Variants in ELP4 observed in about 807,000 individuals in gnomAD.
ELP4 encodes elongator complex protein 4.
A neutral mutation model predicts 48.9 loss-of-function variants in ELP4; 51 were observed. The observed-to-expected ratio is 1.04, with a 90% CI of 0.83 to 1.32. The LOEUF (loss-of-function observed/expected upper bound fraction) is 1.32. ELP4 is among the 40% of genes most tolerant of loss of function. The probability of loss-of-function intolerance (pLI) is 0.00; values close to 1 mark genes in which losing one functional copy is unlikely to be tolerated. For synonymous variants in ELP4, 210 were observed against 189.2 expected (o/e 1.11, Z -0.90); for missense variants, 519 against 514.6 (o/e 1.01, Z -0.08).
intron 9 of ELP4, among the ~76,000 whole-genome samples, chr11:31,688,037 A>G (rs191695801): frequency 6.6e-6 from 1 of 152,216 alleles, no homozygotes; most frequent in African/African-American, 2.4e-5. Context: ...AATGATTTTT[A>G]AATGAGGCCA....
intron 3 of ELP4, among the ~76,000 whole-genome samples, chr11:31,557,040 A>G (rs1029100165): frequency 6.6e-6 from 1 of 151,912 alleles, no homozygotes; most frequent in African/African-American, 2.4e-5. Context: ...GAAATAAACC[A>G]GAAGTCTGAG....
chr11:31,591,860 C>T (rs888815582), intron 3 of ELP4, among the ~76,000 whole-genome samples: 3 of 152,026 alleles, frequency 2.0e-5, no homozygotes, highest in Non-Finnish European at 4.4e-5. Flanking sequence ...GATCCATGTA[C>T]GTCAGGTGAT....
At chr11:31,767,410 C>T (rs903350013) in intron 9 of ELP4, 15 of 150,744 alleles carry the variant, frequency 1.0e-4, no homozygotes, top group African/African-American at 3.4e-4. Flanking sequence ...AAAATTAGCT[C>T]AAGGGTAGTT....
chr11:31,730,339 GAGC>G (rs1947160036), intron 9 of ELP4, among the ~76,000 whole-genome samples: 1 of 152,120 alleles, frequency 6.6e-6, no homozygotes, highest in Non-Finnish European at 1.5e-5. Flanking sequence ...ATGGTGGAAG[GAGC>G]AGAAGAGCAA....
In ELP4 at chr11:31,787,042, T is replaced by A. The variant is rs112863817; in HGVS notation, c.*3518T>A. On this transcript the variant is annotated 3_prime_UTR_variant, in exon 10 of 10. Coordinates refer to ENST00000640961, the MANE Select transcript of ELP4 (RefSeq NM_019040.5). ...CGTTAAATAAATAATAAACAAAAAT[T>A]ATTTCAACAATGAGTAAAAGGCCAA... 6.4e-4 allele frequency: 83 copies of A among 129,704 alleles called. No homozygotes were observed. Among genetic ancestry groups the A allele is most frequent in the African/African-American group, 3.7e-3 (76 of 20,550 alleles). The allele number at this position is 129,704 out of a possible 1,614,324, so 8.0% of individuals were successfully genotyped here. A position where few individuals can be genotyped will look rare whatever the true frequency, so the allele number is the denominator to read the frequency against.
At chr11:31,574,717 A>C (rs1464651728) in intron 3 of ELP4, among the ~76,000 whole-genome samples, 1 of 152,250 alleles carries the variant, frequency 6.6e-6, no homozygotes, top group African/African-American at 2.4e-5. Context: ...CCTGCAGCTG[A>C]GGATCCTGAC....
chr11:31,570,790 C>T (rs1241179584), intron 3 of ELP4, among the ~76,000 whole-genome samples: 1 of 86,076 alleles, frequency 1.2e-5, no homozygotes, highest in African/African-American at 5.5e-5. Context: ...ACTGTAAACT[C>T]TTTTTTTTTT....
intron 9 of ELP4, among the ~76,000 whole-genome samples, chr11:31,739,723 G>A (rs1167643921): frequency 6.6e-6 from 1 of 152,096 alleles, no homozygotes; most frequent in Non-Finnish European, 1.5e-5. Context: ...TATACCATAT[G>A]TTTACCTACA....
At chr11:31,602,719 T>C (rs1211352692) in intron 4 of ELP4, among the ~76,000 whole-genome samples, 5 of 152,000 alleles carry the variant, frequency 3.3e-5, no homozygotes. Context: ...CTTTCTTATC[T>C]AAATTAAAAA....
rs1592141008 is a variant in ELP4 at position 31,588,755 on chromosome 11, G to T, written c.382-6015G>T. ...CCCAACACTTTGGGAGGCTAAGGCG[G>T]GCAGATCACTTGAGGTCAGGAGTTC... On this transcript the variant is annotated intron_variant, in intron 3 of 9. Coordinates refer to ENST00000640961, the MANE Select transcript of ELP4 (RefSeq NM_019040.5). 5.3e-5 allele frequency among the ~76,000 whole-genome samples: 8 copies of T among 152,260 alleles called. 1 individual carries two copies. The South Asian group carries it at 1.7e-3, about 32-fold the overall frequency.
chr11:31,640,360 G>A (rs553638178), intron 7 of ELP4, among the ~76,000 whole-genome samples: 2 of 151,692 alleles, frequency 1.3e-5, no homozygotes, highest in Non-Finnish European at 2.9e-5. Context: ...ACTTGGTTAC[G>A]TACTTTCCCT....
chr11:31,715,240 A>G (rs1031015309), intron 9 of ELP4: 2 of 153,918 alleles, frequency 1.3e-5, no homozygotes, highest in African/African-American at 4.8e-5. Context: ...AAAATGCTTA[A>G]TAAAATTAGT....
intron 9 of ELP4, among the ~76,000 whole-genome samples, chr11:31,693,753 G>A (rs549960661): frequency 6.6e-6 from 1 of 152,186 alleles, no homozygotes; most frequent in Non-Finnish European, 1.5e-5. Context: ...TTCCACAATG[G>A]TTGAACTAGT....
intron 9 of ELP4, among the ~76,000 whole-genome samples, chr11:31,749,568 A>G (rs1221896227): frequency 6.6e-6 from 1 of 152,166 alleles, no homozygotes; most frequent in Non-Finnish European, 1.5e-5. Context: ...TGATCTTTAA[A>G]ACATCGATTA....
chr11:31,720,504 A>T (rs1036238863), intron 9 of ELP4, among the ~76,000 whole-genome samples: 8 of 140,290 alleles, frequency 5.7e-5, no homozygotes, highest in Admixed American at 1.5e-4. Context: ...AAGGCCAAAA[A>T]AAAAATAGAT....
intron 3 of ELP4, among the ~76,000 whole-genome samples, chr11:31,551,037 G>C (rs116756614): frequency 6.6e-6 from 1 of 152,282 alleles, no homozygotes; most frequent in African/African-American, 2.4e-5. Context: ...TCAGGATTAT[G>C]ATCGCACTTG....
At chr11:31,778,325 G>C (rs7125966) in intron 9 of ELP4, among the ~76,000 whole-genome samples, 105,856 of 152,088 alleles carry the variant, frequency 0.7, 37,832 homozygotes, top group African/African-American at 0.87. Context: ...GTTGCACTTT[G>C]CTTTATATGT....
At chr11:31,660,510 A>G (rs904248810) in intron 9 of ELP4, among the ~76,000 whole-genome samples, 1 of 152,186 alleles carries the variant, frequency 6.6e-6, no homozygotes, top group African/African-American at 2.4e-5. Flanking sequence ...ATTTTTACAA[A>G]CAAAATGCTA....
At chr11:31,717,731 G>C (rs1450218555) in intron 9 of ELP4, among the ~76,000 whole-genome samples, 2 of 150,822 alleles carry the variant, frequency 1.3e-5, no homozygotes, top group African/African-American at 4.9e-5. Flanking sequence ...TCCAACCTGG[G>C]AGACAGAGTG....
Sources: gnomAD v4.1 joint callset for allele counts (sites outside exome capture counted in the v4.1 genomes callset) on GRCh38, gnomAD v4.1.1 for gene constraint, MANE v1.5 for transcripts, NCBI Gene and HGNC (gene_info 2026-07-23, HGNC 2026-07-21) for gene names.